Variants in CUL3 observed in about 807,000 individuals in gnomAD.
CUL3 encodes cullin-3.
A neutral mutation model predicts 89.1 loss-of-function variants in CUL3; 19 were observed. The ratio of observed to expected loss-of-function variants is 0.21; its 90% CI spans 0.15 to 0.31. CUL3 has a LOEUF of 0.31. Ranked by LOEUF, CUL3 falls within the 10% of genes least tolerant of loss-of-function variation. The pLI, the probability that CUL3 is intolerant of heterozygous loss-of-function variation, is 1.00. For synonymous variants in CUL3, 351 were observed against 308.4 expected (o/e 1.14, Z -1.45); for missense variants, 469 against 942.3 (o/e 0.50, Z 6.58).
intron 6 of CUL3, among the ~76,000 whole-genome samples, 189 bp from the exon 7 acceptor site, chr2:224,507,192 G>A (rs1574639380): frequency 6.6e-6 from 1 of 152,180 alleles, no homozygotes; most frequent in Non-Finnish European, 1.5e-5. Flanking sequence ...GGTTATTATT[G>A]TAATTTATAA....
intron 9 of CUL3, 128 bp downstream of exon 9, chr2:224,503,524 C>CA (rs1023760258): frequency 2.4e-6 from 2 of 826,972 alleles, no homozygotes; most frequent in African/African-American, 1.7e-5. Context: ...TTCTCCAAAA[C>CA]AATCTACCTT....
chr2:224,503,067 T>C lies in CUL3; in HGVS notation c.1383A>G (p.Glu461=). 1.9e-6 allele frequency: 3 copies of C among 1,603,408 alleles called. No homozygotes were observed. The highest frequency in any genetic ancestry group is 2.6e-6 in the Non-Finnish European group (3 of 1,170,378). ...EKNMISKLKT[E]CGCQFTSKLE... ...GTTTTGACGTGAACTGACATCCACA[T>C]TCAGTCTGTGGAGGAAAAACACAAA... The change falls in exon 10 of 16, where the codon GAA becomes GAG. Residue 461 remains glutamate (E), a synonymous_variant. Coordinates refer to ENST00000264414, the MANE Select transcript of CUL3 (RefSeq NM_003590.5).
intron 10 of CUL3, among the ~76,000 whole-genome samples, chr2:224,501,423 A>G (rs1003184586): frequency 1.3e-5 from 2 of 152,204 alleles, no homozygotes; most frequent in Non-Finnish European, 2.9e-5. Context: ...AACAAATTAA[A>G]TTTTTAAGTA....
chr2:224,540,671 C>T (rs1694069941), intron 2 of CUL3, among the ~76,000 whole-genome samples: 1 of 152,168 alleles, frequency 6.6e-6, no homozygotes, highest in African/African-American at 2.4e-5. Flanking sequence ...AATTCTGAGT[C>T]CTGCTTTTTT....
At chr2:224,533,537 C>T (rs973132938) in intron 3 of CUL3, among the ~76,000 whole-genome samples, 1 of 151,948 alleles carries the variant, frequency 6.6e-6, no homozygotes, top group Non-Finnish European at 1.5e-5. Context: ...TCAGAGTCTG[C>T]GTGTGTATAA....
intron 1 of CUL3, among the ~76,000 whole-genome samples, chr2:224,567,952 C>T (rs1025652871): frequency 6.6e-6 from 1 of 152,156 alleles, no homozygotes; most frequent in African/African-American, 2.4e-5. Flanking sequence ...TTCCCAACAA[C>T]ATTAAACCAA....
Position 224,471,917 on chromosome 2 carries a change from T to A in CUL3, c.*2328A>T, listed in dbSNP as rs1691145803. On this transcript the variant is annotated 3_prime_UTR_variant, in exon 16 of 16. Transcript: ENST00000264414. The stretch of plus-strand genomic sequence containing the variant: ...ATTTCTCTGCACCAACAGGATGGAA[T>A]GGTTAGGATGCATTTTTCTTTCAAA... 4.3e-6 allele frequency: 1 copy of A among 231,082 alleles called. No homozygotes were observed. The highest frequency in any genetic ancestry group is 1.8e-4 in the South Asian group (1 of 5,518). The allele number at this position is 231,082 out of a possible 1,614,324, so 14.3% of individuals were successfully genotyped here.
intron 1 of CUL3, among the ~76,000 whole-genome samples, chr2:224,578,851 A>G (rs2934606): frequency 6.6e-6 from 1 of 152,174 alleles, no homozygotes; most frequent in Non-Finnish European, 1.5e-5. Flanking sequence ...CCCCCAATGT[A>G]TAATATAAAA....
At chr2:224,513,742 C>T (rs1056251546) in intron 4 of CUL3, 104 bp from the exon 5 acceptor site, 40 of 761,030 alleles carry the variant, frequency 5.3e-5, no homozygotes, top group Non-Finnish European at 7.9e-5. Context: ...ACATTTAACT[C>T]TTACTGAAGT....
At chr2:224,546,064 G>C (rs1183309630) in intron 2 of CUL3, among the ~76,000 whole-genome samples, 6 of 152,050 alleles carry the variant, frequency 3.9e-5, no homozygotes, top group Non-Finnish European at 8.8e-5. Context: ...TGGTTGGAAA[G>C]GAATGCAGAA....
intron 2 of CUL3, among the ~76,000 whole-genome samples, chr2:224,552,236 T>C (rs1477604291): frequency 6.6e-6 from 1 of 151,218 alleles, no homozygotes; most frequent in Non-Finnish European, 1.5e-5. Context: ...TTTTACTTTA[T>C]TTAGAAAAAA....
intron 2 of CUL3, among the ~76,000 whole-genome samples, chr2:224,541,832 T>C (rs1012066247): frequency 6.6e-6 from 1 of 152,140 alleles, no homozygotes; most frequent in African/African-American, 2.4e-5. Flanking sequence ...TTATATGACA[T>C]TCTTGAAAAA....
At chr2:224,528,174 A>G (rs1326855132) in intron 3 of CUL3, among the ~76,000 whole-genome samples, 6 of 152,306 alleles carry the variant, frequency 3.9e-5, no homozygotes, top group Non-Finnish European at 7.4e-5. Flanking sequence ...CAGAAAACTG[A>G]AATCAGTTTC....
chr2:224,540,827 C>A (rs1011754161), intron 2 of CUL3, among the ~76,000 whole-genome samples: 1 of 152,158 alleles, frequency 6.6e-6, no homozygotes, highest in Non-Finnish European at 1.5e-5. Context: ...CATCCTCCAA[C>A]AGGCCCTGGT....
chr2:224,569,183 T>C (rs900241316), intron 1 of CUL3, among the ~76,000 whole-genome samples: 4 of 152,192 alleles, frequency 2.6e-5, no homozygotes, highest in Non-Finnish European at 5.9e-5. Context: ...ACTGATTAAG[T>C]TGCAATAACT....
intron 1 of CUL3, among the ~76,000 whole-genome samples, chr2:224,564,719 T>C (rs1315861674): frequency 1.3e-5 from 2 of 152,170 alleles, no homozygotes; most frequent in Non-Finnish European, 2.9e-5. Context: ...AAATCTATAC[T>C]GCCTGCCCAG....
chr2:224,503,549 A>C, intron 9 of CUL3, 103 bp downstream of exon 9: 1 of 968,550 alleles, frequency 1.0e-6, no homozygotes, highest in African/African-American at 1.7e-5. Context: ...TCTAGAAATA[A>C]ACACTTAATA....
At chr2:224,578,858 A>T (rs554202612) in intron 1 of CUL3, among the ~76,000 whole-genome samples, 26 of 152,112 alleles carry the variant, frequency 1.7e-4, no homozygotes, top group Middle Eastern at 3.4e-3. Flanking sequence ...TGTATAATAT[A>T]AAAAAAAGGC....
chr2:224,527,836 A>G (rs1693534259), intron 3 of CUL3, among the ~76,000 whole-genome samples: 1 of 152,208 alleles, frequency 6.6e-6, no homozygotes, highest in South Asian at 2.1e-4. Flanking sequence ...ACAGACCCAC[A>G]GCAACCATTT....
Sources: gnomAD v4.1 joint callset for allele counts (sites outside exome capture counted in the v4.1 genomes callset) on GRCh38, gnomAD v4.1.1 for gene constraint, MANE v1.5 for transcripts, NCBI Gene and HGNC (gene_info 2026-07-23, HGNC 2026-07-21) for gene names.